The following PAX5 variants were observed in gnomAD, a reference collection of about 807,000 sequenced individuals.
PAX5 encodes paired box 5.
In PAX5, 9 loss-of-function variants were observed where a neutral mutation model predicts 43.7. The observed-to-expected ratio is 0.21, with a 90% confidence interval of 0.12 to 0.36. The LOEUF (loss-of-function observed/expected upper bound fraction) is 0.36. Ranked by LOEUF, PAX5 falls within the 10% of genes least tolerant of loss-of-function variation. The pLI is 1.00. For missense variants in PAX5, 383 were observed against 532.7 expected (o/e 0.72, Z 2.77); for synonymous variants, 228 against 214.3 (o/e 1.06, Z -0.56).
At chr9:36,936,963 C>A (rs368878519) in intron 6 of PAX5, among the ~76,000 whole-genome samples, 1 of 152,204 alleles carries the variant, frequency 6.6e-6, no homozygotes, top group Non-Finnish European at 1.5e-5. Flanking sequence ...CATACCCAGC[C>A]AGCCTCAGGA....
chr9:36,973,922 C>T (rs1247993572), intron 5 of PAX5, among the ~76,000 whole-genome samples: 4 of 152,122 alleles, frequency 2.6e-5, no homozygotes, highest in African/African-American at 9.7e-5. Flanking sequence ...ATCACTTGAA[C>T]GTAGGAGGCG....
chr9:36,949,100 C>T (rs1250660302), intron 6 of PAX5, among the ~76,000 whole-genome samples: 1 of 152,104 alleles, frequency 6.6e-6, no homozygotes, highest in African/African-American at 2.4e-5. Flanking sequence ...CTCGCTCTGT[C>T]GCCCAGGCTG....
chr9:37,026,306 G>A (rs1367436909), intron 1 of PAX5, among the ~76,000 whole-genome samples: 1 of 152,252 alleles, frequency 6.6e-6, no homozygotes, highest in Non-Finnish European at 1.5e-5. Flanking sequence ...GCTGCAGCTC[G>A]CTGCCCAAGC....
chr9:37,009,542 C>A (rs117591097), intron 3 of PAX5, among the ~76,000 whole-genome samples: 2,665 of 151,922 alleles, frequency 0.018, 55 homozygotes, highest in South Asian at 0.052. Flanking sequence ...AAGCACAAGG[C>A]GAGGGCGGTG....
intron 1 of PAX5, among the ~76,000 whole-genome samples, chr9:37,031,659 T>C (rs930949665): frequency 1.3e-5 from 2 of 152,194 alleles, no homozygotes; most frequent in African/African-American, 4.8e-5. Context: ...TCATGCTTTA[T>C]GATCTCGAAC....
chr9:36,886,978 C>G (rs1826957154), intron 7 of PAX5, among the ~76,000 whole-genome samples: 1 of 152,146 alleles, frequency 6.6e-6, no homozygotes, highest in African/African-American at 2.4e-5. Context: ...TGAAATAACT[C>G]ACTCTTTGCA....
intron 7 of PAX5, among the ~76,000 whole-genome samples, chr9:36,899,203 C>T (rs1057252562): frequency 1.3e-5 from 2 of 152,192 alleles, no homozygotes; most frequent in African/African-American, 4.8e-5. Context: ...AATATCATCT[C>T]CTGTGAAAGA....
At chr9:37,012,311 C>G (rs1173724545) in intron 3 of PAX5, among the ~76,000 whole-genome samples, 1 of 152,196 alleles carries the variant, frequency 6.6e-6, no homozygotes, top group Non-Finnish European at 1.5e-5. Context: ...CCTCCTTTTA[C>G]CGTTGGGAAA....
rs951548241 is a variant in PAX5 at position 36,882,868 on chromosome 9, T to C, written c.911-763A>G. On this transcript the variant is annotated intron_variant, in intron 7 of 9. Transcript: ENST00000358127. This position sits in a 1 kb window ranked among gnomAD's most constrained non-coding sequence, Gnocchi z 4.4. ...ACCATGAGTCCAGAGTGTCCATGTG[T>C]CTCTCAGCTGGGACACTGTCACCAT... Among the ~76,000 whole-genome samples the C allele has an allele frequency of 1.3e-5, 2 of 152,222 alleles. No individual in the cohort carries two copies.
intron 7 of PAX5, among the ~76,000 whole-genome samples, chr9:36,895,862 A>C (rs780267623): frequency 6.6e-6 from 1 of 152,200 alleles, no homozygotes; most frequent in Non-Finnish European, 1.5e-5. Context: ...CAATGAAATC[A>C]GGCATGGTGG....
At chr9:36,947,724 A>AT (rs1563998445) in intron 6 of PAX5, among the ~76,000 whole-genome samples, 2 of 152,066 alleles carry the variant, frequency 1.3e-5, no homozygotes, top group African/African-American at 4.8e-5. Flanking sequence ...ATATATATAT[A>AT]TATTTTTAAC....
intron 6 of PAX5, among the ~76,000 whole-genome samples, chr9:36,924,815 G>A (rs28690839): frequency 2.0e-5 from 1 of 51,198 alleles, no homozygotes; most frequent in Non-Finnish European, 4.1e-5. Flanking sequence ...GAGGAAGGAA[G>A]GAAAGAAAGA....
intron 6 of PAX5, among the ~76,000 whole-genome samples, chr9:36,949,413 G>A (rs1832821246): frequency 7.2e-6 from 1 of 138,550 alleles, no homozygotes; most frequent in South Asian, 2.3e-4. Context: ...TGAGGATAAA[G>A]CAGTGGTAAA....
At chr9:36,921,636 C>T (rs1391177537) in intron 7 of PAX5, among the ~76,000 whole-genome samples, 1 of 152,234 alleles carries the variant, frequency 6.6e-6, no homozygotes, top group African/African-American at 2.4e-5. Flanking sequence ...TCACTTAGCA[C>T]AGTGCCTGGT....
chr9:37,019,293 A>G (rs1839660278), intron 2 of PAX5, among the ~76,000 whole-genome samples: 1 of 152,104 alleles, frequency 6.6e-6, no homozygotes, highest in Admixed American at 6.5e-5. Context: ...TAAAACAACC[A>G]CCTAACAAGA....
chr9:37,031,133 AGAG>A (rs1259240610), intron 1 of PAX5, among the ~76,000 whole-genome samples: 3 of 152,212 alleles, frequency 2.0e-5, no homozygotes, highest in African/African-American at 7.2e-5. Context: ...GAGTTCTTGA[AGAG>A]GATGGAGAAA....
chr9:36,919,658 T>C (rs543706546), intron 7 of PAX5, among the ~76,000 whole-genome samples: 2 of 151,924 alleles, frequency 1.3e-5, no homozygotes, highest in African/African-American at 2.4e-5. Context: ...CTGGTCAAGA[T>C]GGTGAAACTC....
At chr9:36,861,363 A>G (rs1824197990) in intron 8 of PAX5, 2 of 151,284 alleles carry the variant, frequency 1.3e-5, no homozygotes, top group Admixed American at 6.6e-5. Context: ...AACAAAGCAG[A>G]TAACAGTCCC....
intron 7 of PAX5, among the ~76,000 whole-genome samples, chr9:36,904,983 A>G (rs1430837738): frequency 6.6e-5 from 10 of 152,214 alleles, no homozygotes; most frequent in Admixed American, 6.5e-4. Flanking sequence ...TCAAGGCACA[A>G]TGGGCTAACA....
Sources: gnomAD v4.1 joint callset for allele counts (sites outside exome capture counted in the v4.1 genomes callset) on GRCh38, gnomAD v4.1.1 for gene constraint, Gnocchi (gnomAD v3.1) non-coding constraint, MANE v1.5 for transcripts, NCBI Gene and HGNC (gene_info 2026-07-23, HGNC 2026-07-21) for gene names.